The following DENND5B variants were observed in gnomAD, a reference collection of about 807,000 sequenced individuals.
DENND5B encodes DENN domain-containing protein 5B.
Under a neutral mutation model 140.6 loss-of-function variants are expected in DENND5B, and 34 were observed. The ratio of observed to expected loss-of-function variants is 0.24; its 90% confidence interval spans 0.18 to 0.32. DENND5B has a LOEUF of 0.32. DENND5B is among the 10% of genes least tolerant of loss of function. DENND5B has a pLI of 1.00. For missense variants in DENND5B, 1,142 were observed against 1,560.2 expected, an observed-to-expected ratio of 0.73 and a Z score of 4.52; for synonymous variants, 551 against 562.1, an observed-to-expected ratio of 0.98 and a Z score of 0.28.
intron 1 of DENND5B, among the ~76,000 whole-genome samples, chr12:31,501,533 G>A (rs942768877): frequency 2.6e-5 from 4 of 152,108 alleles, no homozygotes; most frequent in Non-Finnish European, 5.9e-5. Context: ...CAATACTTTG[G>A]GAGGCCAAGG....
chr12:31,504,457 C>A (rs965374576), intron 1 of DENND5B, among the ~76,000 whole-genome samples: 1 of 152,144 alleles, frequency 6.6e-6, no homozygotes, highest in East Asian at 1.9e-4. Context: ...AATAGGGACC[C>A]CATCCCCAGC....
chr12:31,452,947 C>G (rs1466610333), intron 4 of DENND5B, among the ~76,000 whole-genome samples: 1 of 152,160 alleles, frequency 6.6e-6, no homozygotes, highest in African/African-American at 2.4e-5. Context: ...CTTACAAATA[C>G]ATGATATTAG....
intron 1 of DENND5B, among the ~76,000 whole-genome samples, chr12:31,512,740 T>C (rs541777872): frequency 1.8e-4 from 27 of 152,304 alleles, no homozygotes; most frequent in African/African-American, 6.3e-4. Flanking sequence ...GTCAAACTCA[T>C]TTCATTGTTT....
intron 16 of DENND5B, among the ~76,000 whole-genome samples, chr12:31,399,428 A>C (rs1285018761): frequency 6.6e-6 from 1 of 151,500 alleles, no homozygotes; most frequent in Non-Finnish European, 1.5e-5. Flanking sequence ...ACAAGCGTAC[A>C]CCACCATGCC....
chr12:31,402,441 T>G, intron 15 of DENND5B, 57 bp downstream of exon 15: 1 of 1,539,956 alleles, frequency 6.5e-7, no homozygotes, highest in Admixed American at 2.0e-5. Flanking sequence ...CCAGACAGAA[T>G]CATCTGTAAA....
At chr12:31,387,863 G>A in intron 20 of DENND5B, 77 bp from the exon 21 acceptor site, 1 of 1,444,218 alleles carries the variant, frequency 6.9e-7, no homozygotes, top group Non-Finnish European at 9.4e-7. Flanking sequence ...GAGTCTGTAT[G>A]AATGGGAAGG....
At chr12:31,483,662 A>G (rs1450027987) in intron 2 of DENND5B, among the ~76,000 whole-genome samples, 1 of 150,946 alleles carries the variant, frequency 6.6e-6, no homozygotes, top group Non-Finnish European at 1.5e-5. Flanking sequence ...CTGGTCTCAA[A>G]CTCCTGACCT....
intron 16 of DENND5B, among the ~76,000 whole-genome samples, chr12:31,399,145 AGAGAGAG>A (rs1465100649): frequency 1.8e-4 from 10 of 54,566 alleles, no homozygotes; most frequent in East Asian, 9.3e-4. Context: ...AAAAAAAAAA[AGAGAGAG>A]AAAGAAAAAA....
At chr12:31,451,758 A>G in intron 5 of DENND5B, 182 bp downstream of exon 5, 2 of 647,800 alleles carry the variant, frequency 3.1e-6, no homozygotes, top group Non-Finnish European at 5.1e-6. Flanking sequence ...CTAATGTAAA[A>G]ATACTTGGTA....
At chr12:31,529,577 C>T (rs1948208783) in intron 1 of DENND5B, among the ~76,000 whole-genome samples, 1 of 152,042 alleles carries the variant, frequency 6.6e-6, no homozygotes, top group Non-Finnish European at 1.5e-5. Context: ...GCTCACACCT[C>T]ACTTTGGGAG....
At position 31,452,401 on chromosome 12, in the gene DENND5B, C is replaced by T. The variant is rs1944578238; in HGVS notation, c.1168G>A (p.Val390Met). ...PEEFPQFPNK[V>M]DFIQELSEVL... The stretch of plus-strand genomic sequence containing the variant: ...TCAGAGAGTTCTTGGATAAAATCCA[C>T]TTTATTGGGGAACTGTGGAAATTCT... Residue 390 changes from valine to methionine, a missense_variant, in exon 5 of 21, where the codon GTG (valine) becomes ATG (methionine). By Grantham distance (21) the Val-to-Met change is conservative. Transcript: ENST00000389082. 1.2e-6 allele frequency: 2 copies of T among 1,613,672 alleles called. No homozygotes were observed. The highest frequency in any genetic ancestry group is 2.7e-5 in the African/African-American group (2 of 74,910).
intron 1 of DENND5B, among the ~76,000 whole-genome samples, chr12:31,548,661 T>C (rs1948941392): frequency 2.0e-5 from 3 of 152,204 alleles, no homozygotes. Flanking sequence ...TCAAATGTTG[T>C]GTTATACACC....
chr12:31,482,498 T>C (rs758090535), intron 2 of DENND5B, among the ~76,000 whole-genome samples: 2 of 152,188 alleles, frequency 1.3e-5, no homozygotes, highest in African/African-American at 2.4e-5. Context: ...CTTTCTCACT[T>C]ACCCCATTAT....
intron 1 of DENND5B, among the ~76,000 whole-genome samples, chr12:31,513,861 A>T (rs1397270185): frequency 6.7e-6 from 1 of 149,866 alleles, no homozygotes; most frequent in African/African-American, 2.5e-5. Flanking sequence ...TTTAAGAGAC[A>T]GGGTCTCACT....
At chr12:31,510,939 T>C (rs747527650) in intron 1 of DENND5B, among the ~76,000 whole-genome samples, 1 of 152,152 alleles carries the variant, frequency 6.6e-6, no homozygotes, top group Non-Finnish European at 1.5e-5. Context: ...TCTTTAAGAA[T>C]TCTACTCAGG....
rs576069008 is a variant in DENND5B at position 31,395,591 on chromosome 12, T to TCAAAA, written c.3256+2579_3256+2583dup. ...ATGGCCAACAAGAGCGAAAACTCAG[T>TCAAAA]CAAAACAAAACAAAACAAAACAAAA... On this transcript the variant is annotated intron_variant, in intron 17 of 20. Transcript: ENST00000389082. Among the ~76,000 whole-genome samples the TCAAAA allele has an allele frequency of 1.4e-3, 209 of 151,332 alleles. 2 individuals carry two copies. The South Asian group carries it at 0.018, about 13-fold the overall frequency.
At chr12:31,399,978 TTAAC>T (rs1435813889) in intron 15 of DENND5B, among the ~76,000 whole-genome samples, 5 of 152,178 alleles carry the variant, frequency 3.3e-5, no homozygotes, top group African/African-American at 1.2e-4. Context: ...CATATGGACA[TTAAC>T]TACCAAATGA....
At chr12:31,542,397 G>A (rs750586762) in intron 1 of DENND5B, among the ~76,000 whole-genome samples, 47 of 152,074 alleles carry the variant, frequency 3.1e-4, no homozygotes, top group Non-Finnish European at 6.2e-4. Context: ...AAGTGGGAAT[G>A]GTTAATGGGC....
intron 1 of DENND5B, among the ~76,000 whole-genome samples, chr12:31,539,314 C>A (rs542152147): frequency 6.6e-6 from 1 of 152,142 alleles, no homozygotes; most frequent in East Asian, 1.9e-4. Flanking sequence ...ATTTAAAGAA[C>A]GAATACCAAT....
Sources: allele counts gnomAD v4.1 joint callset (sites outside exome capture counted in the v4.1 genomes callset), GRCh38; gene constraint gnomAD v4.1.1; transcripts MANE v1.5; gene names NCBI Gene and HGNC (gene_info 2026-07-23, HGNC 2026-07-21).